Variants in DSCAML1 observed in about 807,000 individuals in gnomAD.
The protein encoded by DSCAML1 is DS cell adhesion molecule like 1.
Under a neutral mutation model 200.5 loss-of-function variants are expected in DSCAML1, and 38 were observed. The observed-to-expected ratio is 0.19, with a 90% CI of 0.15 to 0.25. The LOEUF (loss-of-function observed/expected upper bound fraction) is 0.25. Among genes scored for constraint, DSCAML1 ranks in the 10% least tolerant of loss-of-function variants. DSCAML1 has a pLI of 1.00. For missense variants in DSCAML1, 2,223 were observed against 2,858.8 expected (o/e 0.78, Z 5.07); for synonymous variants, 1,215 against 1,165.0 (o/e 1.04, Z -0.87).
chr11:117,714,552 A>G (rs2053912651), intron 3 of DSCAML1, among the ~76,000 whole-genome samples: 1 of 152,150 alleles, frequency 6.6e-6, no homozygotes, highest in African/African-American at 2.4e-5. Context: ...GCAGTGACTC[A>G]CAGCCTATAA....
At chr11:117,722,740 G>A (rs534583447) in intron 3 of DSCAML1, among the ~76,000 whole-genome samples, 3 of 152,272 alleles carry the variant, frequency 2.0e-5, no homozygotes, top group South Asian at 4.2e-4. Context: ...GGACTGGCCC[G>A]CCTTGCCACC....
In DSCAML1 at chr11:117,458,205, A is replaced by G. The variant is rs777674849; in HGVS notation, c.3568+549T>C. ...CCCTTACCGTGTCACTCTGTCCTTG[A>G]GTCTGGCCCTCTGTCTCTGGCTTTC... On this transcript the variant is annotated intron_variant, in intron 19 of 32. Coordinates refer to ENST00000651296, the MANE Select transcript of DSCAML1 (RefSeq NM_020693.4). 4.6e-5 allele frequency among the ~76,000 whole-genome samples: 7 copies of G among 152,080 alleles called. No homozygotes were observed. In the Middle Eastern group the frequency reaches 0.014, roughly 298 times the overall value.
chr11:117,673,265 G>A (rs1041596104), intron 3 of DSCAML1, among the ~76,000 whole-genome samples: 7 of 152,266 alleles, frequency 4.6e-5, no homozygotes, highest in East Asian at 3.9e-4. Context: ...TTCCAAAGCC[G>A]AATATCAATG....
intron 3 of DSCAML1, among the ~76,000 whole-genome samples, chr11:117,629,218 G>C (rs182589652): frequency 2.8e-4 from 43 of 152,284 alleles, no homozygotes; most frequent in Admixed American, 7.8e-4. Context: ...ACCTGGTTAC[G>C]CTCTCTATGA....
At chr11:117,509,857 C>T (rs546120043) in intron 8 of DSCAML1, among the ~76,000 whole-genome samples, 1 of 152,342 alleles carries the variant, frequency 6.6e-6, no homozygotes, top group East Asian at 1.9e-4. Context: ...ATGACCTGGG[C>T]CCTCTTTACT....
intron 3 of DSCAML1, among the ~76,000 whole-genome samples, chr11:117,616,697 G>A (rs1042564797): frequency 6.6e-6 from 1 of 152,178 alleles, no homozygotes. Context: ...CTGGGGTGCT[G>A]GTGATATTCT....
intron 31 of DSCAML1, 81 bp downstream of exon 31, chr11:117,431,453 G>A: frequency 7.5e-7 from 1 of 1,335,154 alleles, no homozygotes; most frequent in Non-Finnish European, 1.0e-6. Flanking sequence ...GTGGGTAGAA[G>A]CTGGGAAGAA....
intron 5 of DSCAML1, among the ~76,000 whole-genome samples, chr11:117,523,180 A>G (rs1366470594): frequency 1.3e-5 from 2 of 152,248 alleles, no homozygotes; most frequent in Non-Finnish European, 2.9e-5. Context: ...GCCTGCATAC[A>G]CTGGTGCAGG....
chr11:117,516,854 T>A lies in DSCAML1; in HGVS notation c.1511-115A>T, dbSNP rs2049779088. 1 of 1,301,250 alleles carries A rather than the reference T, an allele frequency of 7.7e-7. No homozygotes were observed. The highest frequency in any genetic ancestry group is 1.5e-5 in the South Asian group (1 of 66,564). 80.6% of individuals were successfully genotyped at this position (1,301,250 alleles called of 1,614,324 possible). On this transcript the variant is annotated intron_variant, in intron 7 of 32. Coordinates refer to ENST00000651296, the MANE Select transcript of DSCAML1 (RefSeq NM_020693.4). The surrounding 1 kb of genome is among the most constrained non-coding windows in gnomAD (Gnocchi z 5.7). ...TCTCAGGCACTCGGCCCCTGAGACT[T>A]TCGGGGGCGGACATTTGGTGGGGGC...
intron 26 of DSCAML1, 83 bp from the exon 27 acceptor site, chr11:117,435,882 T>C (rs1202046894): frequency 6.9e-7 from 1 of 1,456,340 alleles, no homozygotes; most frequent in East Asian, 2.4e-5. Flanking sequence ...GGCAGTCCTC[T>C]GACCTCTCTT....
At chr11:117,781,835 G>T (rs1250781029) in intron 1 of DSCAML1, among the ~76,000 whole-genome samples, 1 of 152,266 alleles carries the variant, frequency 6.6e-6, no homozygotes, top group Non-Finnish European at 1.5e-5. Context: ...AGCTGGCAGT[G>T]GCAGGGCCAC....
chr11:117,715,278 G>T (rs2053931246), intron 3 of DSCAML1, among the ~76,000 whole-genome samples: 1 of 152,006 alleles, frequency 6.6e-6, no homozygotes, highest in Non-Finnish European at 1.5e-5. Flanking sequence ...CCTATCTAAA[G>T]ACTCAGCCCA....
intron 3 of DSCAML1, among the ~76,000 whole-genome samples, chr11:117,746,359 T>C (rs548230405): frequency 1.8e-4 from 28 of 152,210 alleles, no homozygotes; most frequent in Non-Finnish European, 3.2e-4. Flanking sequence ...GGTTAGGAGA[T>C]TGGGACCTGA....
chr11:117,566,616 T>C (rs1351616084), intron 3 of DSCAML1, among the ~76,000 whole-genome samples: 4 of 151,888 alleles, frequency 2.6e-5, no homozygotes. Flanking sequence ...TTAGGGTACA[T>C]GTGCACCATG....
At chr11:117,536,207 G>T (rs1469755330) in intron 3 of DSCAML1, among the ~76,000 whole-genome samples, 2 of 152,208 alleles carry the variant, frequency 1.3e-5, no homozygotes, top group Non-Finnish European at 2.9e-5. Context: ...GATGAGCATC[G>T]GACGGTGGAC....
At chr11:117,722,832 C>T (rs543259982) in intron 3 of DSCAML1, among the ~76,000 whole-genome samples, 1 of 152,318 alleles carries the variant, frequency 6.6e-6, no homozygotes. Flanking sequence ...ATCCCCCATC[C>T]TGTCTCAATG....
intron 24 of DSCAML1, among the ~76,000 whole-genome samples, chr11:117,438,476 G>T (rs1008708023): frequency 6.6e-6 from 1 of 152,086 alleles, no homozygotes; most frequent in African/African-American, 2.4e-5. Context: ...GAAGCACCTG[G>T]GGCGTGTTAG....
chr11:117,489,286 G>A lies in DSCAML1; in HGVS notation c.2360-7124C>T, dbSNP rs966539561. 6.6e-6 allele frequency among the ~76,000 whole-genome samples: 1 copy of A among 152,188 alleles called. No individual in the cohort carries two copies. Among genetic ancestry groups the A allele is most frequent in the African/African-American group, 2.4e-5 (1 of 41,436 alleles). On this transcript the variant is annotated intron_variant, in intron 11 of 32. Coordinates refer to ENST00000651296, the MANE Select transcript of DSCAML1 (RefSeq NM_020693.4). The surrounding 1 kb of genome is among the most constrained non-coding windows in gnomAD (Gnocchi z 4.8). ...TTAGGGGTGCAGGCGGGAGAGCCGGGGTGGGGTATATGCACAGGGCTGGGT... is the reference window on the plus strand; with the variant it reads ...TTAGGGGTGCAGGCGGGAGAGCCGGAGTGGGGTATATGCACAGGGCTGGGT...
At chr11:117,454,018 A>C (rs1381415967) in intron 19 of DSCAML1, among the ~76,000 whole-genome samples, 1 of 152,138 alleles carries the variant, frequency 6.6e-6, no homozygotes, top group Non-Finnish European at 1.5e-5. Context: ...CAGATTTTTT[A>C]AATGTGTGAC....
Sources: allele counts gnomAD v4.1 joint callset (sites outside exome capture counted in the v4.1 genomes callset), GRCh38; gene constraint gnomAD v4.1.1; non-coding constraint Gnocchi (gnomAD v3.1); transcripts MANE v1.5; gene names NCBI Gene and HGNC (gene_info 2026-07-23, HGNC 2026-07-21).